Variants in SCOC observed in about 807,000 individuals in gnomAD.
The protein encoded by SCOC is short coiled-coil protein.
A neutral mutation model predicts 9.9 loss-of-function variants in SCOC; 7 were observed. That is an observed-to-expected ratio of 0.71 (90% CI 0.40 to 1.33). The LOEUF (loss-of-function observed/expected upper bound fraction) is 1.33, where lower values mean the gene tolerates loss of function less well. Ranked by LOEUF, SCOC falls within the 40% of genes most tolerant of loss-of-function variation. The pLI is 0.01. For missense variants in SCOC, 66 were observed against 89.7 expected, an observed-to-expected ratio of 0.74 and a Z score of 1.07; for synonymous variants, 19 against 28.2, an observed-to-expected ratio of 0.67 and a Z score of 1.03.
chr4:140,284,465 C>T (rs1731173882), intron 1 of SCOC: 1 of 152,114 alleles, frequency 6.6e-6, no homozygotes, highest in East Asian at 1.9e-4. Flanking sequence ...CAAGACTGTC[C>T]TACAGCATAG....
chr4:140,276,348 A>G (rs757279951), intron 1 of SCOC, among the ~76,000 whole-genome samples: 6 of 152,000 alleles, frequency 3.9e-5, no homozygotes, highest in Non-Finnish European at 8.8e-5. Context: ...CATGTTGGCC[A>G]GGCTGGTCTG....
chr4:140,274,178 A>G (rs879514334), intron 1 of SCOC, among the ~76,000 whole-genome samples: 3 of 152,246 alleles, frequency 2.0e-5, no homozygotes, highest in Non-Finnish European at 2.9e-5. Context: ...ACTTACTAGT[A>G]TTCATGTATG....
intron 1 of SCOC, among the ~76,000 whole-genome samples, chr4:140,270,561 T>C (rs961226092): frequency 2.0e-5 from 3 of 152,060 alleles, no homozygotes; most frequent in Non-Finnish European, 4.4e-5. Context: ...GTACTGGGAT[T>C]GGATAGTTTG....
At chr4:140,360,248 G>A (rs1055987667) in intron 2 of SCOC, among the ~76,000 whole-genome samples, 1 of 152,170 alleles carries the variant, frequency 6.6e-6, no homozygotes, top group African/African-American at 2.4e-5. Flanking sequence ...AATAGAAGCT[G>A]ATTTTGAACC....
intron 1 of SCOC, among the ~76,000 whole-genome samples, chr4:140,332,631 C>T (rs1467619846): frequency 3.9e-5 from 6 of 152,052 alleles, no homozygotes; most frequent in South Asian, 2.1e-4. Context: ...CCTGCCTCAG[C>T]GTCTCAAAGT....
At chr4:140,350,936 T>A (rs1305210639) in intron 2 of SCOC, among the ~76,000 whole-genome samples, 1 of 151,944 alleles carries the variant, frequency 6.6e-6, no homozygotes, top group Admixed American at 6.6e-5. Context: ...ACACCTGTAA[T>A]CCCAGCACTT....
chr4:140,266,473 C>T (rs1730730205), intron 1 of SCOC, among the ~76,000 whole-genome samples: 1 of 152,038 alleles, frequency 6.6e-6, no homozygotes, highest in African/African-American at 2.4e-5. Flanking sequence ...TATAAGGGCA[C>T]CCCAGAGAGT....
chr4:140,355,737 A>G (rs1026276026), intron 2 of SCOC, among the ~76,000 whole-genome samples: 24 of 152,230 alleles, frequency 1.6e-4, no homozygotes, highest in Non-Finnish European at 3.1e-4. Flanking sequence ...ATGCTCAGAC[A>G]TGAAAGATAG....
At chr4:140,267,001 G>C (rs998660301) in intron 1 of SCOC, among the ~76,000 whole-genome samples, 2 of 152,108 alleles carry the variant, frequency 1.3e-5, no homozygotes, top group African/African-American at 4.8e-5. Flanking sequence ...CTTCCCTCTT[G>C]AATTGGGCCT....
intron 2 of SCOC, among the ~76,000 whole-genome samples, chr4:140,353,828 G>A (rs996938379): frequency 1.1e-4 from 16 of 152,204 alleles, no homozygotes; most frequent in African/African-American, 3.9e-4. Context: ...CCCTCCACCA[G>A]CCTTCTTGGG....
chr4:140,370,142 T>C (rs945288045), upstream of SCOC, among the ~76,000 whole-genome samples: 2 of 152,174 alleles, frequency 1.3e-5, no homozygotes, highest in Non-Finnish European at 2.9e-5. Flanking sequence ...TAGAAGTACA[T>C]AGTTTGATTT....
chr4:140,350,618 A>G (rs574204872), intron 2 of SCOC, among the ~76,000 whole-genome samples: 1 of 152,314 alleles, frequency 6.6e-6, no homozygotes, highest in South Asian at 2.1e-4. Context: ...TATTTGAAGA[A>G]TTGGCACAGG....
intron 2 of SCOC, among the ~76,000 whole-genome samples, chr4:140,346,690 G>C (rs181836996): frequency 6.6e-6 from 1 of 152,166 alleles, no homozygotes; most frequent in Non-Finnish European, 1.5e-5. Context: ...AGCCAGTTGT[G>C]CTTCATAAAT....
chr4:140,371,171 C>T (rs1415898410), upstream of SCOC, among the ~76,000 whole-genome samples: 1 of 152,038 alleles, frequency 6.6e-6, no homozygotes, highest in Non-Finnish European at 1.5e-5. Context: ...AGCCGTGAGC[C>T]ACCGCGCCTG....
intron 1 of SCOC, among the ~76,000 whole-genome samples, chr4:140,294,892 T>G (rs1405701640): frequency 6.6e-6 from 1 of 152,178 alleles, no homozygotes; most frequent in Non-Finnish European, 1.5e-5. Flanking sequence ...TTCTCCAAGG[T>G]TTTCTGTGTC....
At chr4:140,260,563 C>A (rs1245299008) in intron 1 of SCOC, among the ~76,000 whole-genome samples, 1 of 152,184 alleles carries the variant, frequency 6.6e-6, no homozygotes, top group Admixed American at 6.5e-5. Context: ...GCAATTGAGT[C>A]TCAGGGCTGT....
chr4:140,374,244 T>A, intron 1 of SCOC: 2 of 444,348 alleles, frequency 4.5e-6, no homozygotes, highest in Non-Finnish European at 9.0e-6. Context: ...GATCGTCTTC[T>A]CCCCCAGAGT....
At chr4:140,317,481 T>C (rs1284518806) in intron 1 of SCOC, among the ~76,000 whole-genome samples, 1 of 152,080 alleles carries the variant, frequency 6.6e-6, no homozygotes, top group Non-Finnish European at 1.5e-5. Context: ...GTCACGTACC[T>C]ACTGCTTGCT....
intron 2 of SCOC, among the ~76,000 whole-genome samples, chr4:140,354,179 AT>A (rs1727106984): frequency 6.6e-6 from 1 of 152,130 alleles, no homozygotes; most frequent in Non-Finnish European, 1.5e-5. Flanking sequence ...AGCTTCCTTT[AT>A]AAAAATGTTT....
Sources: gnomAD v4.1 joint callset for allele counts (sites outside exome capture counted in the v4.1 genomes callset) on GRCh38, gnomAD v4.1.1 for gene constraint, MANE v1.5 for transcripts, NCBI Gene and HGNC (gene_info 2026-07-23, HGNC 2026-07-21) for gene names.